Variants in CD5 observed in about 807,000 individuals in gnomAD.
The protein encoded by CD5 is CD5 molecule, also known as T-cell surface glycoprotein CD5.
Under a neutral mutation model 60.3 loss-of-function variants are expected in CD5, and 36 were observed. The observed-to-expected ratio is 0.60, with a 90% CI of 0.46 to 0.79. CD5 has a LOEUF of 0.79. Among genes scored for constraint, CD5 ranks in the 30% least tolerant of loss-of-function variants. The pLI, the probability that CD5 is intolerant of heterozygous loss-of-function variation, is 0.00. For missense variants in CD5, 540 were observed against 630.6 expected (o/e 0.86, Z 1.54); for synonymous variants, 230 against 257.6 (o/e 0.89, Z 1.03).
chr11:61,122,895 C>T lies in CD5; in HGVS notation c.1100-12C>T. ...AGGACTGGGACTGACCTAACTCTTC[C>T]TCCTTCCCCAGGCCAGGATCCAAAC... On this transcript the variant is annotated splice_polypyrimidine_tract_variant and intron_variant, in intron 6 of 10. Coordinates refer to ENST00000347785, the MANE Select transcript of CD5 (RefSeq NM_014207.4). The T allele has an allele frequency of 3.1e-6, 5 of 1,608,070 alleles. No homozygotes were observed. Among genetic ancestry groups the T allele is most frequent in the East Asian group, 2.2e-5 (1 of 44,760 alleles).
At chr11:61,107,708 C>T (rs1042365737) in intron 1 of CD5, among the ~76,000 whole-genome samples, 3 of 152,162 alleles carry the variant, frequency 2.0e-5, no homozygotes, top group Non-Finnish European at 4.4e-5. Flanking sequence ...CCACTATCAC[C>T]GTGACCAGCA....
intron 7 of CD5, 61 bp from the exon 8 acceptor site, chr11:61,123,810 CATCCCCACCCCTG>C: frequency 9.9e-6 from 6 of 605,710 alleles, no homozygotes; most frequent in Admixed American, 8.1e-5. Flanking sequence ...GGCCCAGCCC[CATCCCCACCCCTG>C]CCTGCCCCCA....
intron 5 of CD5, among the ~76,000 whole-genome samples, chr11:61,119,847 C>T (rs1411700314): frequency 6.6e-6 from 1 of 152,072 alleles, no homozygotes; most frequent in Non-Finnish European, 1.5e-5. Context: ...GGGGAGTCGG[C>T]AGGACTTCCA....
At chr11:61,119,192 G>A (rs562952944) in intron 4 of CD5, 42 bp from the exon 5 acceptor site, 28 of 1,514,492 alleles carry the variant, frequency 1.8e-5, no homozygotes, top group South Asian at 1.8e-4. Flanking sequence ...GGAAGCCCTC[G>A]GCGCTCAGGG....
chr11:61,123,913 G>A lies in CD5; in HGVS notation c.1255G>A (p.Gly419Ser), dbSNP rs768977960. ...CCAGAAGAAGCAGCGCCAGTGGATT[G>A]GCCCAACGGGAATGAACCAAAACAG... ...FRQKKQRQWI[G>S]PTGMNQNMSF... The change falls in exon 8 of 11, where the codon GGC becomes AGC. Residue 419 changes from glycine to serine, a missense_variant. Coordinates refer to ENST00000347785, the MANE Select transcript of CD5 (RefSeq NM_014207.4). 6 of 1,592,846 alleles carry A rather than the reference G, an allele frequency of 3.8e-6. No homozygotes were observed.
Position 61,125,014 on chromosome 11 carries a change from C to T in CD5, c.1280-18C>T, listed in dbSNP as rs374965563. 3 of 1,613,908 alleles carry T rather than the reference C, an allele frequency of 1.9e-6. No individual in the cohort carries two copies. The highest frequency in any genetic ancestry group is 1.7e-5 in the Admixed American group (1 of 60,026). The stretch of plus-strand genomic sequence containing the variant: ...GACACAGCCACAAGTCTGACACTGT[C>T]TCCTACCATCTGCCCAGTGTCTTTC... On this transcript the variant is annotated intron_variant, in intron 8 of 10. Transcript: ENST00000347785.
chr11:61,114,987 TG>T, intron 1 of CD5, 68 bp from the exon 2 acceptor site: 1 of 1,459,554 alleles, frequency 6.9e-7, no homozygotes, highest in South Asian at 1.2e-5. Context: ...GGGCTGTGGG[TG>T]GGTGAGCTGG....
chr11:61,121,517 G>A (rs1861058467), intron 5 of CD5, 94 bp from the exon 6 acceptor site: 1 of 1,106,238 alleles, frequency 9.0e-7, no homozygotes, highest in African/African-American at 1.6e-5. Context: ...CCCTAGCCAG[G>A]GCCCCGATTT....
the CD5 span, among the ~76,000 whole-genome samples, chr11:61,095,629 G>C: frequency 6.6e-6 from 1 of 152,054 alleles, no homozygotes; most frequent in Non-Finnish European, 1.5e-5. Context: ...GAATATATAA[G>C]AATTCAGCTG....
intron 1 of CD5, among the ~76,000 whole-genome samples, chr11:61,108,283 A>T (rs995200352): frequency 2.0e-5 from 3 of 152,292 alleles, no homozygotes; most frequent in African/African-American, 7.2e-5. Flanking sequence ...GAGAAATAAC[A>T]ATTCAAACAG....
chr11:61,124,244 G>A (rs532989710), intron 8 of CD5, among the ~76,000 whole-genome samples: 1 of 152,130 alleles, frequency 6.6e-6, no homozygotes, highest in Non-Finnish European at 1.5e-5. Context: ...ACCTCCTCCA[G>A]CAGTATTCCC....
chr11:61,125,186 A>C (rs200387565), intron 9 of CD5, 35 bp downstream of exon 9: 8 of 1,612,768 alleles, frequency 5.0e-6, no homozygotes, highest in Non-Finnish European at 6.8e-6. Context: ...GCACGCAGGC[A>C]GGGCTGCAGC....
In CD5 at chr11:61,103,909, GTGT is replaced by G. The variant is rs1329462392; in HGVS notation, c.55+1295_55+1297del. On this transcript the variant is annotated intron_variant, in intron 1 of 10. Transcript: ENST00000347785. ...CTCTGGGCATGTGTGTGAGTACTGT[GTGT>G]GGGGGGGGAATGTGTGACTCTGTGT... 1.3e-3 allele frequency among the ~76,000 whole-genome samples: 92 copies of G among 73,216 alleles called. 1 individual carries two copies. The highest frequency in any genetic ancestry group is 1.7e-3 in the Non-Finnish European group (70 of 41,820). The allele number at this position is 73,216 out of a possible 152,430, so 48.0% of individuals were successfully genotyped here. A position where few individuals can be genotyped will look rare whatever the true frequency, so the allele number is the denominator to read the frequency against.
intron 2 of CD5, among the ~76,000 whole-genome samples, chr11:61,115,670 C>T (rs531381759): frequency 1.3e-5 from 2 of 152,238 alleles, no homozygotes; most frequent in Non-Finnish European, 2.9e-5. Context: ...AAATACATGA[C>T]ACTTTTTAAC....
chr11:61,107,315 C>A (rs1860790738), intron 1 of CD5, among the ~76,000 whole-genome samples: 1 of 152,158 alleles, frequency 6.6e-6, no homozygotes, highest in Non-Finnish European at 1.5e-5. Context: ...GCCACGGATG[C>A]CCCCGTGAGG....
chr11:61,097,566 G>T (rs1860602092), upstream of CD5, among the ~76,000 whole-genome samples: 1 of 152,108 alleles, frequency 6.6e-6, no homozygotes, highest in Admixed American at 6.5e-5. Context: ...CTGGATATGT[G>T]GGCATAGAGC....
chr11:61,100,916 G>A (rs1392699929), upstream of CD5, among the ~76,000 whole-genome samples: 1 of 137,524 alleles, frequency 7.3e-6, no homozygotes, highest in Admixed American at 7.3e-5. Flanking sequence ...CATCAACATG[G>A]AGATCACACA....
At chr11:61,100,973 T>A (rs1390845296), upstream of CD5, among the ~76,000 whole-genome samples, 2 of 62,318 alleles carry the variant, frequency 3.2e-5, no homozygotes, top group South Asian at 6.2e-4. Flanking sequence ...GGAGATCACA[T>A]TCACACACAT....
chr11:61,110,187 T>C (rs1448353395), intron 1 of CD5, among the ~76,000 whole-genome samples: 1 of 151,568 alleles, frequency 6.6e-6, no homozygotes, highest in African/African-American at 2.4e-5. Context: ...TTCATTCTGC[T>C]CCCTAGATTA....
Sources: allele counts gnomAD v4.1 joint callset (sites outside exome capture counted in the v4.1 genomes callset), GRCh38; gene constraint gnomAD v4.1.1; transcripts MANE v1.5; gene names NCBI Gene and HGNC (gene_info 2026-07-23, HGNC 2026-07-21).